Variants in ZMYM5 observed in about 807,000 individuals in gnomAD.
ZMYM5 encodes the protein zinc finger MYM-type protein 5.
Under a neutral mutation model 61.8 loss-of-function variants are expected in ZMYM5, and 41 were observed. The observed-to-expected ratio is 0.66, with a 90% CI of 0.52 to 0.86. The LOEUF is 0.86. Among genes scored for constraint, ZMYM5 ranks in the 40% least tolerant of loss-of-function variants. The probability of loss-of-function intolerance (pLI) is 0.00; values close to 1 mark genes in which losing one functional copy is unlikely to be tolerated. For synonymous variants in ZMYM5, 257 were observed against 276.4 expected (o/e 0.93, Z 0.70); for missense variants, 706 against 786.7 (o/e 0.90, Z 1.23).
At chr13:19,851,195 G>A (rs1352830584) in intron 4 of ZMYM5, among the ~76,000 whole-genome samples, 160 bp downstream of exon 4, 1 of 152,050 alleles carries the variant, frequency 6.6e-6, no homozygotes, top group Non-Finnish European at 1.5e-5. Flanking sequence ...AGCCAGCCTG[G>A]GTGAGAAGAG....
At chr13:19,853,688 A>G (rs1183963670) in intron 2 of ZMYM5, among the ~76,000 whole-genome samples, 1 of 134,234 alleles carries the variant, frequency 7.4e-6, no homozygotes, top group African/African-American at 2.9e-5. Flanking sequence ...TGCAACCCCC[A>G]CCTCCCAGGC....
At position 19,824,759 on chromosome 13, in the gene ZMYM5, T is replaced by C; in HGVS notation, c.1728A>G (p.Arg576=). Residue 576 remains arginine (R), a synonymous_variant, in exon 8 of 8, where the codon AGA becomes AGG. Coordinates refer to ENST00000337963, the MANE Select transcript of ZMYM5 (RefSeq NM_001142684.2). ...RILPNGEKTT[R]SWLLYSTSKD... is the part of the protein sequence containing the mutation. ...TTGAGGTTGAATAAAGTAACCAGGA[T>C]CTAGTGGTTTTTTCACCATTTGGAA... is the stretch of plus-strand genomic sequence containing the variant. 2.2e-6 allele frequency: 3 copies of C among 1,360,830 alleles called. No individual in the cohort carries two copies. Among genetic ancestry groups the C allele is most frequent in the Non-Finnish European group, 2.9e-6 (3 of 1,018,266 alleles). 84.3% of individuals were successfully genotyped at this position (1,360,830 alleles called of 1,614,324 possible). A position where few individuals can be genotyped will look rare whatever the true frequency, so the allele number is the denominator to read the frequency against.
At chr13:19,825,357 G>A (rs991037227) in intron 7 of ZMYM5, 122 bp from the exon 8 acceptor site, 7 of 964,784 alleles carry the variant, frequency 7.3e-6, no homozygotes, top group South Asian at 1.9e-5. Context: ...TCAAAAAGAC[G>A]ACGACGGTCG....
rs140720818 is a variant in ZMYM5 at position 19,848,405 on chromosome 13, G to A, written c.586+2950C>T. Among the ~76,000 whole-genome samples the A allele has an allele frequency of 6.8e-3, 1,035 of 151,616 alleles. 9 individuals carry two copies. Among genetic ancestry groups the A allele is most frequent in the African/African-American group, 0.024 (980 of 41,364 alleles). On this transcript the variant is annotated intron_variant, in intron 4 of 7. Transcript: ENST00000337963. ...AAGTGATCCTCCTGCCTCAGCCTAC[G>A]AAAAGTGCTGCAATTACAGATGTGA...
intron 7 of ZMYM5, among the ~76,000 whole-genome samples, chr13:19,829,635 G>A (rs552088272): frequency 1.5e-4 from 23 of 152,186 alleles, no homozygotes; most frequent in African/African-American, 5.5e-4. Flanking sequence ...CCCAGGAGGA[G>A]TACAGTGGCT....
At position 19,852,068 on chromosome 13, in the gene ZMYM5, G is replaced by A; in HGVS notation, c.113C>T (p.Pro38Leu). Reference protein sequence around the residue: ...LMDIGDSFGHPACPLVSRSRN... With the variant: ...LMDIGDSFGHLACPLVSRSRN... ...AGATCTACTGACTAAAGGACAAGCT[G>A]GATGACCAAATGAATCCCCTATGTC... Residue 38 changes from proline (P) to leucine (L), a missense_variant, in exon 3 of 8, where the codon CCA becomes CTA. Pro to Leu is a moderately conservative substitution (Grantham distance 98, BLOSUM62 -3). Around this residue, in one of 2 missense-constraint regions of ZMYM5, gnomAD observed 480 missense variants for 461.7 expected, o/e 1.04. Coordinates refer to ENST00000337963, the MANE Select transcript of ZMYM5 (RefSeq NM_001142684.2). 2 of 1,613,864 alleles carry A rather than the reference G, an allele frequency of 1.2e-6. No individual in the cohort carries two copies. The highest frequency in any genetic ancestry group is 1.7e-6 in the Non-Finnish European group (2 of 1,179,984).
chr13:19,827,817 G>T (rs975459879), intron 7 of ZMYM5, among the ~76,000 whole-genome samples: 2 of 151,310 alleles, frequency 1.3e-5, no homozygotes, highest in Middle Eastern at 6.9e-3. Context: ...GGATCACGAG[G>T]TCAGGAGATC....
chr13:19,836,403 TAGA>T (rs1593861908), intron 6 of ZMYM5, among the ~76,000 whole-genome samples: 1 of 152,158 alleles, frequency 6.6e-6, no homozygotes, highest in Non-Finnish European at 1.5e-5. Context: ...GACTTTGGTT[TAGA>T]AGATTTTGAC....
chr13:19,836,087 A>G (rs1952666243), intron 6 of ZMYM5, among the ~76,000 whole-genome samples: 2 of 152,088 alleles, frequency 1.3e-5, no homozygotes, highest in South Asian at 4.1e-4. Flanking sequence ...GCCTCCCAAC[A>G]TGCTGGGATT....
chr13:19,830,952 G>C (rs1891181727), intron 7 of ZMYM5, among the ~76,000 whole-genome samples: 1 of 145,606 alleles, frequency 6.9e-6, no homozygotes, highest in Admixed American at 7.2e-5. Context: ...CCATTCTCCT[G>C]TCTCAGCCTC....
intron 4 of ZMYM5, among the ~76,000 whole-genome samples, chr13:19,840,870 G>A (rs944665507): frequency 8.6e-5 from 13 of 151,840 alleles, no homozygotes; most frequent in Admixed American, 7.9e-4. Flanking sequence ...GTAGAGACGG[G>A]GTTTCACCGT....
chr13:19,844,528 G>A (rs1414268596), intron 4 of ZMYM5, among the ~76,000 whole-genome samples: 1 of 152,140 alleles, frequency 6.6e-6, no homozygotes, highest in Non-Finnish European at 1.5e-5. Flanking sequence ...ATTTGTCAAT[G>A]GTCAATGACA....
At chr13:19,859,520 A>G (rs1341755753) in intron 2 of ZMYM5, among the ~76,000 whole-genome samples, 5 of 151,884 alleles carry the variant, frequency 3.3e-5, no homozygotes, top group Admixed American at 3.3e-4. Flanking sequence ...CTCCTGCCTC[A>G]GCCTCCTGAG....
At chr13:19,843,985 A>AAATTT (rs1952986227) in intron 4 of ZMYM5, among the ~76,000 whole-genome samples, 1 of 151,522 alleles carries the variant, frequency 6.6e-6, no homozygotes, top group South Asian at 2.1e-4. Context: ...AAATACTTAA[A>AAATTT]AATTTAGGTG....
At chr13:19,845,596 C>A (rs910567168) in intron 4 of ZMYM5, among the ~76,000 whole-genome samples, 1 of 152,232 alleles carries the variant, frequency 6.6e-6, no homozygotes, top group African/African-American at 2.4e-5. Context: ...GGCCACAAAT[C>A]TGGGAGGGGC....
Sources: allele counts gnomAD v4.1 joint callset (sites outside exome capture counted in the v4.1 genomes callset), GRCh38; gene constraint gnomAD v4.1.1; regional missense constraint gnomAD v4.1.1; transcripts MANE v1.5; gene names NCBI Gene and HGNC (gene_info 2026-07-23, HGNC 2026-07-21).